ZNRF2: variants seen among roughly 807,000 people sequenced by gnomAD.
ZNRF2 encodes the protein zinc and ring finger 2, also known as E3 ubiquitin-protein ligase ZNRF2.
In ZNRF2, 16 loss-of-function variants were observed where a neutral mutation model predicts 20.4. The observed-to-expected ratio is 0.79, with a 90% CI of 0.53 to 1.19. The LOEUF (loss-of-function observed/expected upper bound fraction) is 1.19. Ranked by LOEUF, ZNRF2 falls within the 50% of genes most tolerant of loss-of-function variation. The pLI, the probability that ZNRF2 is intolerant of heterozygous loss-of-function variation, is 0.00. For synonymous variants in ZNRF2, 178 were observed against 144.9 expected, an observed-to-expected ratio of 1.23 and a Z score of -1.64; for missense variants, 363 against 332.4, an observed-to-expected ratio of 1.09 and a Z score of -0.72.
chr7:30,285,310 C>T lies in ZNRF2; in HGVS notation c.-48C>T, dbSNP rs1360473384. On this transcript the variant is annotated 5_prime_UTR_variant, in exon 1 of 5. Transcript: ENST00000323037. The stretch of plus-strand genomic sequence containing the variant: ...AGCTCCCGCGCTCGCTCCCGCCCTC[C>T]CGGCTCTCGGGGCGCAGCGCGCGGG... 1.1e-5 allele frequency: 12 copies of T among 1,066,208 alleles called. No individual in the cohort carries two copies. Among genetic ancestry groups the T allele is most frequent in the Non-Finnish European group, 1.4e-5 (12 of 885,438 alleles). The allele number at this position is 1,066,208 out of a possible 1,614,324, so 66.0% of individuals were successfully genotyped here. A position where few individuals can be genotyped will look rare whatever the true frequency, so the allele number is the denominator to read the frequency against.
intron 1 of ZNRF2, among the ~76,000 whole-genome samples, chr7:30,314,952 G>A (rs1418699937): frequency 2.0e-5 from 3 of 151,988 alleles, no homozygotes; most frequent in African/African-American, 7.3e-5. Context: ...GAGTAGCTGG[G>A]ACTACAGTCG....
chr7:30,348,324 T>C (rs2127954303), intron 2 of ZNRF2, among the ~76,000 whole-genome samples: 1 of 152,328 alleles, frequency 6.6e-6, no homozygotes, highest in Admixed American at 6.5e-5. Context: ...GTGTTTTCCT[T>C]AGTCTTCTGA....
chr7:30,344,075 A>T (rs1799839634), intron 2 of ZNRF2, among the ~76,000 whole-genome samples: 1 of 151,226 alleles, frequency 6.6e-6, no homozygotes, highest in Non-Finnish European at 1.5e-5. Flanking sequence ...GCCTGCCATC[A>T]TACACCCAGC....
chr7:30,345,992 T>C, intron 2 of ZNRF2, among the ~76,000 whole-genome samples: 1 of 152,006 alleles, frequency 6.6e-6, no homozygotes, highest in East Asian at 1.9e-4. Context: ...CTTACTATAA[T>C]TTTTGTTTGT....
At chr7:30,315,789 C>A in intron 1 of ZNRF2, among the ~76,000 whole-genome samples, 1 of 141,728 alleles carries the variant, frequency 7.1e-6, no homozygotes, top group Admixed American at 7.6e-5. Context: ...CCTTGTAAGA[C>A]ATTTAATGAG....
chr7:30,308,733 C>T (rs771199939), intron 1 of ZNRF2, among the ~76,000 whole-genome samples: 2 of 152,112 alleles, frequency 1.3e-5, no homozygotes, highest in Non-Finnish European at 2.9e-5. Flanking sequence ...TTTACATCCT[C>T]TGTAACAATT....
chr7:30,360,903 A>G (rs550155023), intron 3 of ZNRF2, among the ~76,000 whole-genome samples: 1 of 152,220 alleles, frequency 6.6e-6, no homozygotes, highest in African/African-American at 2.4e-5. Flanking sequence ...GAAATGAAAA[A>G]TACCAAATTG....
rs1273948327 is a variant in ZNRF2, at chr7:30,284,668, CT to C, written c.-689del. ...TTCCGGCGCGGGGCCGGGGAACCTCCTCCCCATCTGCGCACCCCCCGCCTTC... is the reference window on the plus strand; with the variant it reads ...TTCCGGCGCGGGGCCGGGGAACCTCCCCCCATCTGCGCACCCCCCGCCTTC... On this transcript the variant is annotated 5_prime_UTR_variant, in exon 1 of 5. Coordinates refer to ENST00000323037, the MANE Select transcript of ZNRF2 (RefSeq NM_147128.4). 1 of 155,782 alleles carries C rather than the reference CT, an allele frequency of 6.4e-6. No homozygotes were observed. Among genetic ancestry groups the C allele is most frequent in the East Asian group, 1.9e-4 (1 of 5,180 alleles). 9.6% of individuals were successfully genotyped at this position (155,782 alleles called of 1,614,324 possible). A position where few individuals can be genotyped will look rare whatever the true frequency, so the allele number is the denominator to read the frequency against.
intron 2 of ZNRF2, among the ~76,000 whole-genome samples, chr7:30,324,791 T>C (rs143598871): frequency 6.6e-6 from 1 of 152,148 alleles, no homozygotes; most frequent in Non-Finnish European, 1.5e-5. Context: ...GTAAGCATGG[T>C]TGAAATTGCA....
intron 2 of ZNRF2, among the ~76,000 whole-genome samples, chr7:30,335,562 T>C (rs1437904861): frequency 6.6e-6 from 1 of 152,094 alleles, no homozygotes; most frequent in Non-Finnish European, 1.5e-5. Context: ...TATACATATA[T>C]ATATACGTAT....
At chr7:30,312,251 G>A (rs182795275) in intron 1 of ZNRF2, among the ~76,000 whole-genome samples, 1 of 152,236 alleles carries the variant, frequency 6.6e-6, no homozygotes, top group African/African-American at 2.4e-5. Context: ...AGAGTGTTGG[G>A]ATTACAGACG....
chr7:30,351,815 G>A (rs1395083574), intron 2 of ZNRF2, among the ~76,000 whole-genome samples: 5 of 151,928 alleles, frequency 3.3e-5, no homozygotes, highest in South Asian at 2.1e-4. Flanking sequence ...AAAAGTACAC[G>A]TTTTTAATCC....
chr7:30,338,258 TCCAAAGATGCTGTGC>T, intron 2 of ZNRF2, among the ~76,000 whole-genome samples: 1 of 152,080 alleles, frequency 6.6e-6, no homozygotes, highest in South Asian at 2.1e-4. Context: ...CAGATTCCTG[TCCAAAGATGCTGTGC>T]CCATTTTTTT....
chr7:30,294,252 G>A (rs747182657), intron 1 of ZNRF2, among the ~76,000 whole-genome samples: 11 of 151,968 alleles, frequency 7.2e-5, no homozygotes, highest in East Asian at 1.9e-4. Flanking sequence ...TGATAAAAGC[G>A]TTTAAGGCTG....
chr7:30,314,750 A>T (rs1799341932), intron 1 of ZNRF2, among the ~76,000 whole-genome samples: 1 of 151,638 alleles, frequency 6.6e-6, no homozygotes, highest in Non-Finnish European at 1.5e-5. Context: ...CAAGTACTTT[A>T]TCGCTCTGGG....
rs202007861 is a variant in ZNRF2, at chr7:30,320,976, T to C, written c.470-2666T>C. On this transcript the variant is annotated intron_variant, in intron 1 of 4. Transcript: ENST00000323037. Reference sequence around the variant, plus strand: ...TGATGTATCATTCTGTGAGACCTTTTGATTTAAGAGAAGAATCTACCAATT... The same window carrying C: ...TGATGTATCATTCTGTGAGACCTTTCGATTTAAGAGAAGAATCTACCAATT... Among the ~76,000 whole-genome samples, 36 of 152,296 alleles carry C rather than the reference T, an allele frequency of 2.4e-4. No individual in the cohort carries two copies. The East Asian group carries it at 6.7e-3, about 29-fold the overall frequency.
chr7:30,302,402 G>A (rs1420066682), intron 1 of ZNRF2, among the ~76,000 whole-genome samples: 1 of 152,082 alleles, frequency 6.6e-6, no homozygotes, highest in South Asian at 2.1e-4. Context: ...TGTTGCAATA[G>A]GTTAGGGAGG....
At chr7:30,350,482 G>A (rs1349017511) in intron 2 of ZNRF2, among the ~76,000 whole-genome samples, 3 of 151,874 alleles carry the variant, frequency 2.0e-5, no homozygotes, top group South Asian at 2.1e-4. Context: ...ATTAATAAAC[G>A]TTATTCCCAT....
At position 30,366,121 on chromosome 7, in the gene ZNRF2, C is replaced by T. The variant is rs1800210045; in HGVS notation, c.*109C>T. On this transcript the variant is annotated 3_prime_UTR_variant, in exon 5 of 5. Coordinates refer to ENST00000323037, the MANE Select transcript of ZNRF2 (RefSeq NM_147128.4). ...AAACAAAGACGCAGGCATACTCAGC[C>T]AGAAATCTGAGTTTTGTGAGACTTG... 6.6e-6 allele frequency: 1 copy of T among 152,528 alleles called. No individual in the cohort carries two copies. The highest frequency in any genetic ancestry group is 2.4e-5 in the African/African-American group (1 of 41,392). 9.4% of individuals were successfully genotyped at this position (152,528 alleles called of 1,614,324 possible). A position where few individuals can be genotyped will look rare whatever the true frequency, so the allele number is the denominator to read the frequency against.
Sources: allele counts gnomAD v4.1 joint callset (sites outside exome capture counted in the v4.1 genomes callset), GRCh38; gene constraint gnomAD v4.1.1; transcripts MANE v1.5; gene names NCBI Gene and HGNC (gene_info 2026-07-23, HGNC 2026-07-21).